THRB: variants seen among roughly 807,000 people sequenced by gnomAD.
The protein encoded by THRB is nuclear receptor subfamily 1 group A member 2.
THRB carries 12 observed loss-of-function variants against 47.8 expected under a neutral mutation model. The observed-to-expected ratio is 0.25, with a 90% confidence interval of 0.16 to 0.41. The LOEUF is 0.41. THRB is among the 10% of genes least tolerant of loss of function. The pLI, the probability that THRB is intolerant of heterozygous loss-of-function variation, is 1.00. For synonymous variants in THRB, 218 were observed against 212.2 expected (o/e 1.03, Z -0.24); for missense variants, 348 against 589.2 (o/e 0.59, Z 4.24).
At chr3:24,494,599 C>G (rs932802634) in intron 1 of THRB, 53 bp downstream of exon 1, 4 of 151,454 alleles carry the variant, frequency 2.6e-5, no homozygotes, top group African/African-American at 7.3e-5. Flanking sequence ...CGCTCCGTCA[C>G]CATCCCGCCC....
At chr3:24,263,725 CAT>C (rs1163739147) in intron 3 of THRB, among the ~76,000 whole-genome samples, 1 of 151,222 alleles carries the variant, frequency 6.6e-6, no homozygotes, top group Admixed American at 6.6e-5. Context: ...TAAATATAGA[CAT>C]AGATAATTAT....
intron 9 of THRB, among the ~76,000 whole-genome samples, chr3:24,131,751 G>A (rs915114980): frequency 6.6e-6 from 1 of 152,190 alleles, no homozygotes; most frequent in Non-Finnish European, 1.5e-5. Flanking sequence ...TCAGGAAGCA[G>A]GCCCTCACCA....
intron 1 of THRB, among the ~76,000 whole-genome samples, chr3:24,377,695 G>C (rs2065394938): frequency 6.6e-6 from 1 of 152,086 alleles, no homozygotes; most frequent in Non-Finnish European, 1.5e-5. Context: ...TTTCTAGTGA[G>C]AGAGTCAACA....
In THRB at chr3:24,389,923, G is replaced by A. The variant is rs371768332; in HGVS notation, c.-260-52552C>T. Among the ~76,000 whole-genome samples, 10 of 152,282 alleles carry A rather than the reference G, an allele frequency of 6.6e-5. No homozygotes were observed. The South Asian group carries it at 1.9e-3, about 28-fold the overall frequency. The stretch of plus-strand genomic sequence containing the variant: ...ACAAGAGATGCAGTTGAATCAACAG[G>A]TATTTGTGGAGCACTCACTGAATAA... On this transcript the variant is annotated intron_variant, in intron 1 of 10. Coordinates refer to ENST00000646209, the MANE Select transcript of THRB (RefSeq NM_001354712.2).
intron 1 of THRB, among the ~76,000 whole-genome samples, chr3:24,371,221 C>T (rs1456889593): frequency 2.6e-5 from 4 of 152,024 alleles, no homozygotes; most frequent in South Asian, 4.2e-4. Context: ...AGCACTCCTC[C>T]CAAAAAGGTA....
intron 1 of THRB, among the ~76,000 whole-genome samples, chr3:24,493,858 C>G (rs1698573066): frequency 6.6e-6 from 1 of 152,194 alleles, no homozygotes; most frequent in Non-Finnish European, 1.5e-5. Context: ...AAATCCTCCC[C>G]CAAAGTGACA....
intron 4 of THRB, among the ~76,000 whole-genome samples, chr3:24,217,269 G>A (rs2046662449): frequency 6.6e-6 from 1 of 151,996 alleles, no homozygotes; most frequent in South Asian, 2.1e-4. Flanking sequence ...AAAGGCCCAA[G>A]GGAAGTTGTA....
chr3:24,137,247 T>C (rs1336939842), intron 8 of THRB, among the ~76,000 whole-genome samples: 2 of 152,110 alleles, frequency 1.3e-5, no homozygotes, highest in Non-Finnish European at 2.9e-5. Context: ...ATTGGTTGAG[T>C]GAGTGAATGA....
At chr3:24,136,924 C>A (rs2148933273) in intron 8 of THRB, among the ~76,000 whole-genome samples, 1 of 152,326 alleles carries the variant, frequency 6.6e-6, no homozygotes, top group South Asian at 2.1e-4. Context: ...TTCTCCAAAG[C>A]CCCCACTTCT....
chr3:24,380,387 C>T (rs2065610582), intron 1 of THRB, among the ~76,000 whole-genome samples: 2 of 151,904 alleles, frequency 1.3e-5, no homozygotes, highest in South Asian at 4.2e-4. Flanking sequence ...GACTCTTTTC[C>T]ATGACCCTGC....
At chr3:24,346,886 A>G (rs2063053551) in intron 1 of THRB, among the ~76,000 whole-genome samples, 1 of 152,058 alleles carries the variant, frequency 6.6e-6, no homozygotes, top group Non-Finnish European at 1.5e-5. Flanking sequence ...AAAAATGAGT[A>G]AGAACGTAGA....
chr3:24,281,300 A>T (rs2054573688), intron 3 of THRB, among the ~76,000 whole-genome samples: 1 of 151,762 alleles, frequency 6.6e-6, no homozygotes, highest in South Asian at 2.1e-4. Flanking sequence ...CTTAAAGAAA[A>T]GAATTTTCAA....
intron 1 of THRB, among the ~76,000 whole-genome samples, chr3:24,398,730 A>G (rs1262386829): frequency 6.6e-6 from 1 of 152,200 alleles, no homozygotes; most frequent in African/African-American, 2.4e-5. Context: ...ATTACTGGGT[A>G]TATACCCAAA....
At chr3:24,283,570 G>A (rs931829209) in intron 3 of THRB, among the ~76,000 whole-genome samples, 4 of 149,310 alleles carry the variant, frequency 2.7e-5, no homozygotes, top group Non-Finnish European at 5.9e-5. Context: ...CATAGTGTTG[G>A]AAGTTCTGGC....
intron 1 of THRB, among the ~76,000 whole-genome samples, chr3:24,424,302 G>A (rs1021249792): frequency 9.9e-5 from 15 of 151,982 alleles, no homozygotes; most frequent in Admixed American, 4.6e-4. Flanking sequence ...AGCTAAGACC[G>A]AAAACATTGT....
chr3:24,256,108 G>A (rs2051252420), intron 3 of THRB, among the ~76,000 whole-genome samples: 1 of 152,178 alleles, frequency 6.6e-6, no homozygotes, highest in Non-Finnish European at 1.5e-5. Context: ...AGTCTGTGAG[G>A]TACAAAGAAA....
intron 3 of THRB, among the ~76,000 whole-genome samples, chr3:24,268,925 T>A (rs1184115592): frequency 2.0e-5 from 3 of 152,216 alleles, no homozygotes; most frequent in African/African-American, 7.2e-5. Context: ...ATTTCTTACA[T>A]ACTTTTAGCA....
At chr3:24,346,539 A>G (rs2063029075) in intron 1 of THRB, among the ~76,000 whole-genome samples, 1 of 151,634 alleles carries the variant, frequency 6.6e-6, no homozygotes, top group Non-Finnish European at 1.5e-5. Flanking sequence ...ATTATTTTTT[A>G]AATCCCAGTT....
chr3:24,470,929 T>C (rs1322469489), intron 1 of THRB, among the ~76,000 whole-genome samples: 1 of 152,244 alleles, frequency 6.6e-6, no homozygotes, highest in Non-Finnish European at 1.5e-5. Flanking sequence ...GACTTTTAAC[T>C]AAGACACTTC....
Sources: allele counts gnomAD v4.1 joint callset (sites outside exome capture counted in the v4.1 genomes callset), GRCh38; gene constraint gnomAD v4.1.1; transcripts MANE v1.5; gene names NCBI Gene and HGNC (gene_info 2026-07-23, HGNC 2026-07-21).